Variants in GPR158 observed in about 807,000 individuals in gnomAD.
GPR158 encodes metabotropic glycine receptor.
A neutral mutation model predicts 78.2 loss-of-function variants in GPR158; 30 were observed. That is an observed-to-expected ratio of 0.38 (90% CI 0.29 to 0.52). GPR158 has a LOEUF of 0.52. Among genes scored for constraint, GPR158 ranks in the 20% least tolerant of loss-of-function variants. The pLI is 0.83. For missense variants in GPR158, 1,463 were observed against 1,523.5 expected (o/e 0.96, Z 0.66); for synonymous variants, 581 against 591.1 (o/e 0.98, Z 0.25).
intron 4 of GPR158, among the ~76,000 whole-genome samples, chr10:25,448,080 CTTCT>C (rs1835160813): frequency 1.5e-5 from 2 of 132,408 alleles, no homozygotes; most frequent in East Asian, 5.4e-4. Flanking sequence ...TTGTGTCTGA[CTTCT>C]TTTTTTTTTT....
Position 25,496,798 on chromosome 10 carries a change from G to C in GPR158, c.1404+30079G>C, listed in dbSNP as rs573612571. 1.6e-4 allele frequency among the ~76,000 whole-genome samples: 25 copies of C among 152,322 alleles called. No homozygotes were observed. In the South Asian group the frequency reaches 3.5e-3, roughly 21 times the overall value. ...AAGAGCAGAGTCCTGTGCATCATGA[G>C]CTTACAGTCTACGGGAAATTATACA... On this transcript the variant is annotated intron_variant, in intron 5 of 10. Transcript: ENST00000376351.
At chr10:25,470,318 G>C (rs1287687893) in intron 5 of GPR158, among the ~76,000 whole-genome samples, 2 of 152,060 alleles carry the variant, frequency 1.3e-5, no homozygotes. Context: ...GAGGTGTTTA[G>C]AGCCCTCATG....
In GPR158 at chr10:25,516,688, C is replaced by T. The variant is rs1169880271; in HGVS notation, c.1405-34288C>T. Reference sequence around the variant, plus strand: ...CAAAGATCAGATAGTTGTAGGTATGCGGCGTTATTTCTGAGGGCTCTGTTC... The same window carrying T: ...CAAAGATCAGATAGTTGTAGGTATGTGGCGTTATTTCTGAGGGCTCTGTTC... On this transcript the variant is annotated intron_variant, in intron 5 of 10. Coordinates refer to ENST00000376351, the MANE Select transcript of GPR158 (RefSeq NM_020752.3). Among the ~76,000 whole-genome samples the T allele has an allele frequency of 2.0e-3, 220 of 109,474 alleles. 1 individual carries two copies. The highest frequency in any genetic ancestry group is 8.3e-3 in the African/African-American group (208 of 25,156). The allele number at this position is 109,474 out of a possible 152,430, so 71.8% of individuals were successfully genotyped here.
At chr10:25,308,944 T>C (rs1854723486) in intron 2 of GPR158, among the ~76,000 whole-genome samples, 1 of 152,214 alleles carries the variant, frequency 6.6e-6, no homozygotes, top group African/African-American at 2.4e-5. Flanking sequence ...TTTTGCTCAT[T>C]TGTTATCTGT....
intron 4 of GPR158, among the ~76,000 whole-genome samples, chr10:25,432,754 G>C (rs1200049234): frequency 6.6e-6 from 1 of 151,624 alleles, no homozygotes; most frequent in African/African-American, 2.4e-5. Context: ...CTCACTCTCT[G>C]CTTGCCTTCC....
In GPR158 at chr10:25,474,719, C is replaced by T. The variant is rs539146281; in HGVS notation, c.1404+8000C>T. Among the ~76,000 whole-genome samples, 6 of 152,222 alleles carry T rather than the reference C, an allele frequency of 3.9e-5. No individual in the cohort carries two copies. In the East Asian group the frequency reaches 9.6e-4, roughly 24 times the overall value. Reference sequence around the variant, plus strand: ...CTGCAGCAATTAGCCCAGTGCCTGTCACCGTAGTAGAAGCACAGTAAATAG... The same window carrying T: ...CTGCAGCAATTAGCCCAGTGCCTGTTACCGTAGTAGAAGCACAGTAAATAG... On this transcript the variant is annotated intron_variant, in intron 5 of 10. Coordinates refer to ENST00000376351, the MANE Select transcript of GPR158 (RefSeq NM_020752.3).
At chr10:25,509,734 C>G (rs943309167) in intron 5 of GPR158, among the ~76,000 whole-genome samples, 1 of 151,916 alleles carries the variant, frequency 6.6e-6, no homozygotes, top group Non-Finnish European at 1.5e-5. Context: ...TTTTATTTTT[C>G]GACGCAGAAT....
At chr10:25,316,831 G>T (rs529451320) in intron 2 of GPR158, among the ~76,000 whole-genome samples, 6 of 151,538 alleles carry the variant, frequency 4.0e-5, no homozygotes, top group South Asian at 2.1e-4. Context: ...ATTGGATTAA[G>T]GTCATTTAAT....
chr10:25,311,414 T>C (rs945239120), intron 2 of GPR158, among the ~76,000 whole-genome samples: 5 of 151,958 alleles, frequency 3.3e-5, no homozygotes, highest in African/African-American at 1.2e-4. Flanking sequence ...AAATATTCTA[T>C]TTTCTATTTT....
intron 2 of GPR158, among the ~76,000 whole-genome samples, chr10:25,378,242 A>G (rs918521897): frequency 1.3e-5 from 2 of 152,188 alleles, no homozygotes; most frequent in Non-Finnish European, 2.9e-5. Flanking sequence ...TTATCCCTTT[A>G]GAAAGGTAAC....
intron 1 of GPR158, among the ~76,000 whole-genome samples, chr10:25,212,658 T>C (rs895353867): frequency 9.2e-6 from 1 of 108,364 alleles, no homozygotes; most frequent in African/African-American, 3.7e-5. Flanking sequence ...TTGAGATGAG[T>C]CTTGCTTTTG....
intron 4 of GPR158, among the ~76,000 whole-genome samples, chr10:25,463,617 C>T (rs1835385556): frequency 6.6e-6 from 1 of 152,124 alleles, no homozygotes; most frequent in Non-Finnish European, 1.5e-5. Context: ...CCATTTCTTT[C>T]TATCTCAGGC....
intron 2 of GPR158, among the ~76,000 whole-genome samples, chr10:25,352,128 G>T (rs1204837116): frequency 6.6e-6 from 1 of 151,996 alleles, no homozygotes; most frequent in Non-Finnish European, 1.5e-5. Flanking sequence ...TCTGCAGAAG[G>T]CCTCCAGGAC....
chr10:25,205,885 C>T (rs1853020630), intron 1 of GPR158, among the ~76,000 whole-genome samples: 1 of 151,410 alleles, frequency 6.6e-6, no homozygotes, highest in Non-Finnish European at 1.5e-5. Context: ...GTGCCTTGTG[C>T]ATATGAGAAG....
chr10:25,378,224 T>C (rs1420817935), intron 2 of GPR158, among the ~76,000 whole-genome samples: 1 of 152,190 alleles, frequency 6.6e-6, no homozygotes, highest in Non-Finnish European at 1.5e-5. Context: ...GCTCTTTCAA[T>C]CACCAACTTA....
In GPR158 at chr10:25,572,759, T is replaced by G. The variant is rs1416463410; in HGVS notation, c.1625T>G (p.Ile542Ser). The stretch of plus-strand genomic sequence containing the variant: ...CTCTTGGTAGTGTTTTGGTTTCTCA[T>G]TGGCTGGACTTCATCTGTGTGCCAG... ...VILLVVFWFL[I>S]GWTSSVCQNL... Residue 542 changes from isoleucine (I) to serine (S), a missense_variant, in exon 7 of 11, where the codon ATT becomes AGT. By Grantham distance (142) the Ile-to-Ser change is moderately radical. Transcript: ENST00000376351. The G allele has an allele frequency of 6.2e-7, 1 of 1,613,602 alleles. No homozygotes were observed. The highest frequency in any genetic ancestry group is 8.5e-7 in the Non-Finnish European group (1 of 1,179,518).
chr10:25,186,247 C>T (rs1029276458), intron 1 of GPR158, among the ~76,000 whole-genome samples: 2 of 152,132 alleles, frequency 1.3e-5, no homozygotes, highest in African/African-American at 4.8e-5. Flanking sequence ...ATTTATAGCA[C>T]TAAATGCCCA....
intron 6 of GPR158, among the ~76,000 whole-genome samples, chr10:25,558,919 A>G (rs758265667): frequency 3.9e-5 from 6 of 152,180 alleles, no homozygotes; most frequent in East Asian, 1.9e-4. Flanking sequence ...AATATGGTCT[A>G]TCTTGGTAAA....
chr10:25,198,450 A>G lies in GPR158; in HGVS notation c.902+22128A>G, dbSNP rs532320275. 1.5e-4 allele frequency among the ~76,000 whole-genome samples: 23 copies of G among 152,286 alleles called. No homozygotes were observed. The South Asian group carries it at 4.8e-3, about 32-fold the overall frequency. On this transcript the variant is annotated intron_variant, in intron 1 of 10. Transcript: ENST00000376351. ...TCTCTTATATGTTTTAGAGGGGATCAGGTCTTACAATTTACATTATCACAG... is the reference window on the plus strand; with the variant it reads ...TCTCTTATATGTTTTAGAGGGGATCGGGTCTTACAATTTACATTATCACAG...
Sources: allele counts gnomAD v4.1 joint callset (sites outside exome capture counted in the v4.1 genomes callset), GRCh38; gene constraint gnomAD v4.1.1; transcripts MANE v1.5; gene names NCBI Gene and HGNC (gene_info 2026-07-23, HGNC 2026-07-21).